TMEM132D: variants seen among roughly 807,000 people sequenced by gnomAD.
TMEM132D encodes mature OL transmembrane protein.
A neutral mutation model predicts 62.3 loss-of-function variants in TMEM132D; 21 were observed. The ratio of observed to expected loss-of-function variants is 0.34; its 90% CI spans 0.24 to 0.49. TMEM132D has a LOEUF of 0.49. TMEM132D is among the 20% of genes least tolerant of loss of function. The pLI, the probability that TMEM132D is intolerant of heterozygous loss-of-function variation, is 0.99. For missense variants in TMEM132D, 1,346 were observed against 1,402.8 expected (o/e 0.96, Z 0.65); for synonymous variants, 621 against 575.6 (o/e 1.08, Z -1.13).
intron 1 of TMEM132D, among the ~76,000 whole-genome samples, chr12:129,749,321 G>A (rs1295472296): frequency 1.3e-5 from 2 of 152,172 alleles, no homozygotes; most frequent in African/African-American, 4.8e-5. Context: ...CTGTAGCTGT[G>A]GAGGCCACAC....
intron 2 of TMEM132D, among the ~76,000 whole-genome samples, chr12:129,636,548 T>A (rs1008128985): frequency 3.0e-4 from 45 of 152,278 alleles, no homozygotes; most frequent in African/African-American, 1.1e-3. Context: ...ATCCCCTCAG[T>A]CAAGAGAAGG....
chr12:129,614,953 C>G (rs1204200354), intron 2 of TMEM132D, among the ~76,000 whole-genome samples: 1 of 152,198 alleles, frequency 6.6e-6, no homozygotes, highest in Non-Finnish European at 1.5e-5. Flanking sequence ...AATACATCTA[C>G]CCTGGCCCCT....
rs1341090200 is a variant in TMEM132D at position 129,388,540 on chromosome 12, T to C, written c.1116-50723A>G. Reference sequence around the variant, plus strand: ...AACACCAACACCAATCCAGCACTGATGATAATATTAACACTAACATGAATC... The same window carrying C: ...AACACCAACACCAATCCAGCACTGACGATAATATTAACACTAACATGAATC... On this transcript the variant is annotated intron_variant, in intron 3 of 8. Coordinates refer to ENST00000422113, the MANE Select transcript of TMEM132D (RefSeq NM_133448.3). 2.1e-5 allele frequency among the ~76,000 whole-genome samples: 2 copies of C among 94,396 alleles called. 1 individual carries two copies. Among genetic ancestry groups the C allele is most frequent in the Non-Finnish European group, 4.9e-5 (2 of 40,714 alleles). 61.9% of individuals were successfully genotyped at this position (94,396 alleles called of 152,430 possible). A position where few individuals can be genotyped will look rare whatever the true frequency, so the allele number is the denominator to read the frequency against.
At chr12:129,580,901 T>C (rs1168219427) in intron 2 of TMEM132D, among the ~76,000 whole-genome samples, 1 of 152,132 alleles carries the variant, frequency 6.6e-6, no homozygotes, top group Non-Finnish European at 1.5e-5. Context: ...TGATTAATGA[T>C]TTATAGTGAT....
chr12:129,636,737 T>TGTGAGAGA lies in TMEM132D; in HGVS notation c.968+63072_968+63073insTCTCTCAC, dbSNP rs375868329. Among the ~76,000 whole-genome samples the TGTGAGAGA allele has an allele frequency of 3.3e-3, 372 of 113,610 alleles. 3 individuals carry two copies. The highest frequency in any genetic ancestry group is 4.1e-3 in the Non-Finnish European group (230 of 56,680). 74.5% of individuals were successfully genotyped at this position (113,610 alleles called of 152,430 possible). On this transcript the variant is annotated intron_variant, in intron 2 of 8. Transcript: ENST00000422113. The stretch of plus-strand genomic sequence containing the variant: ...GTGTGTGTGTGTGTGTGTGTGTGTG[T>TGTGAGAGA]GAGAGAGAGAGAGAGAGAGACAGAG...
intron 2 of TMEM132D, among the ~76,000 whole-genome samples, chr12:129,585,396 T>C (rs1265745984): frequency 6.6e-6 from 1 of 152,202 alleles, no homozygotes; most frequent in Non-Finnish European, 1.5e-5. Context: ...TTCAGGAATC[T>C]GCAGAGAAGA....
chr12:129,136,092 G>A (rs1179340594), intron 5 of TMEM132D, among the ~76,000 whole-genome samples: 1 of 152,130 alleles, frequency 6.6e-6, no homozygotes, highest in Non-Finnish European at 1.5e-5. Flanking sequence ...GTACCTAAGA[G>A]CCAGGAAATG....
chr12:129,099,919 G>A (rs1425035595), intron 5 of TMEM132D, among the ~76,000 whole-genome samples: 4 of 133,474 alleles, frequency 3.0e-5, no homozygotes, highest in Admixed American at 2.1e-4. Flanking sequence ...TCCGCCTCCC[G>A]GGTTCACGCC....
At chr12:129,888,541 T>C (rs1458066398) in intron 1 of TMEM132D, among the ~76,000 whole-genome samples, 11 of 151,870 alleles carry the variant, frequency 7.2e-5, no homozygotes, top group Non-Finnish European at 1.6e-4. Flanking sequence ...CTACTAAAAA[T>C]ACAATAAAAA....
chr12:129,174,421 T>C (rs892819108), intron 5 of TMEM132D, among the ~76,000 whole-genome samples: 3 of 152,250 alleles, frequency 2.0e-5, no homozygotes, highest in South Asian at 2.1e-4. Context: ...TGTATTTTTA[T>C]GGTTGTGTAT....
chr12:129,158,997 G>A (rs530633453), intron 5 of TMEM132D, among the ~76,000 whole-genome samples: 67 of 152,286 alleles, frequency 4.4e-4, no homozygotes, highest in African/African-American at 1.5e-3. Context: ...AAGAATGCAT[G>A]GGAGAAACCA....
chr12:129,139,726 C>G (rs148892116), intron 5 of TMEM132D, among the ~76,000 whole-genome samples: 24 of 152,280 alleles, frequency 1.6e-4, no homozygotes, highest in African/African-American at 5.5e-4. Context: ...GGACGTTGCT[C>G]TGTTGCCCAG....
In TMEM132D at chr12:129,268,961, T is replaced by G. The variant is rs574097122; in HGVS notation, c.1300-59298A>C. ...GCATGTTCTCACTCATAGGTGGGAATTGAACAGTGAGAACACATGGACATA... is the reference window on the plus strand; with the variant it reads ...GCATGTTCTCACTCATAGGTGGGAAGTGAACAGTGAGAACACATGGACATA... On this transcript the variant is annotated intron_variant, in intron 4 of 8. Transcript: ENST00000422113. Among the ~76,000 whole-genome samples, 4 of 138,730 alleles carry G rather than the reference T, an allele frequency of 2.9e-5. 1 individual carries two copies. The highest frequency in any genetic ancestry group is 4.6e-4 in the South Asian group (2 of 4,366). The allele number at this position is 138,730 out of a possible 152,430, so 91.0% of individuals were successfully genotyped here.
chr12:129,192,321 CA>C (rs35532460), intron 5 of TMEM132D, among the ~76,000 whole-genome samples: 41,748 of 152,110 alleles, frequency 0.27, 6,471 homozygotes, highest in East Asian at 0.5. Context: ...CCATGACCTC[CA>C]AAGTAAGAAG....
intron 3 of TMEM132D, among the ~76,000 whole-genome samples, chr12:129,351,752 C>A (rs1869870956): frequency 6.6e-6 from 1 of 152,144 alleles, no homozygotes; most frequent in African/African-American, 2.4e-5. Context: ...TGTGGTTGTG[C>A]TCTTTGTGTA....
intron 3 of TMEM132D, among the ~76,000 whole-genome samples, chr12:129,342,869 C>T (rs1242631659): frequency 6.6e-6 from 1 of 152,178 alleles, no homozygotes; most frequent in Admixed American, 6.5e-5. Context: ...ATCAAAACCA[C>T]AATGAGATAC....
At chr12:129,293,546 T>G (rs954907242) in intron 4 of TMEM132D, among the ~76,000 whole-genome samples, 3 of 152,152 alleles carry the variant, frequency 2.0e-5, no homozygotes, top group African/African-American at 7.2e-5. Context: ...TAATATACAA[T>G]GAAATAATTA....
At chr12:129,288,931 C>T (rs1454758380) in intron 4 of TMEM132D, among the ~76,000 whole-genome samples, 2 of 152,088 alleles carry the variant, frequency 1.3e-5, no homozygotes, top group Non-Finnish European at 2.9e-5. Flanking sequence ...CATGTGACAA[C>T]GTGAATAAAC....
At position 129,290,603 on chromosome 12, in the gene TMEM132D, A is replaced by T. The variant is rs11060237; in HGVS notation, c.1299+47031T>A. On this transcript the variant is annotated intron_variant, in intron 4 of 8. Transcript: ENST00000422113. ...AGGTTTTATGTGTGCACAAATGTGTATAAAAGTATAGAAAAAGGTTTAGAA... is the reference window on the plus strand; with the variant it reads ...AGGTTTTATGTGTGCACAAATGTGTTTAAAAGTATAGAAAAAGGTTTAGAA... Among the ~76,000 whole-genome samples, 1,484 of 152,348 alleles carry T rather than the reference A, an allele frequency of 9.7e-3. 21 individuals carry two copies. Among genetic ancestry groups the T allele is most frequent in the African/African-American group, 0.033 (1,382 of 41,584 alleles).
Sources: allele counts gnomAD v4.1 joint callset (sites outside exome capture counted in the v4.1 genomes callset), GRCh38; gene constraint gnomAD v4.1.1; transcripts MANE v1.5; gene names NCBI Gene and HGNC (gene_info 2026-07-23, HGNC 2026-07-21).